The following THUMPD3 variants were observed in gnomAD, a reference collection of about 807,000 sequenced individuals.
THUMPD3 encodes the protein THUMP domain 3 tRNA guanosine methyltransferase.
THUMPD3 carries 44 observed loss-of-function variants against 54.5 expected under a neutral mutation model. That is an observed-to-expected ratio of 0.81 (90% CI 0.63 to 1.04). The LOEUF (loss-of-function observed/expected upper bound fraction) is 1.04, where lower values mean the gene tolerates loss of function less well. THUMPD3 is among the 50% of genes least tolerant of loss of function. The pLI is 0.00. For missense variants in THUMPD3, 604 were observed against 601.3 expected (o/e 1.00, Z -0.05); for synonymous variants, 196 against 201.4 (o/e 0.97, Z 0.23).
Position 9,377,852 on chromosome 3 carries a change from CG to C in THUMPD3, c.973del (p.Asp325IlefsTer11), listed in dbSNP as rs2032592949. Reference sequence around the variant, plus strand: ...ATCCTCTACCTTATGATATAATAGTCGATCCAATGTGTGGAACTGGGGCAAT... The same window carrying C: ...ATCCTCTACCTTATGATATAATAGTCATCCAATGTGTGGAACTGGGGCAAT... ...CDPLPYDIIVDPMCGTGAIPI... is the reference protein window; with the variant it reads ...CDPLPYDIIVXPMCGTGAIPI... On this transcript the variant is annotated frameshift_variant, in exon 6 of 10. Coordinates refer to ENST00000452837, the MANE Select transcript of THUMPD3 (RefSeq NM_001114092.2). LOFTEE classifies it high-confidence loss of function. 6.2e-7 allele frequency: 1 copy of C among 1,613,522 alleles called. No homozygotes were observed. Among genetic ancestry groups the C allele is most frequent in the South Asian group, 1.1e-5 (1 of 91,058 alleles).
At chr3:9,382,018 C>T (rs1438687593) in intron 7 of THUMPD3, among the ~76,000 whole-genome samples, 2 of 151,802 alleles carry the variant, frequency 1.3e-5, no homozygotes, top group Non-Finnish European at 1.5e-5. Context: ...CTCCTGACCT[C>T]ATGATCTGCC....
At position 9,374,668 on chromosome 3, in the gene THUMPD3, C is replaced by T. The variant is rs2032323586; in HGVS notation, c.938+22C>T. The T allele has an allele frequency of 2.5e-6, 4 of 1,612,126 alleles. No homozygotes were observed. In the South Asian group the frequency reaches 3.3e-5, roughly 13 times the overall value. The stretch of plus-strand genomic sequence containing the variant: ...TCAGGTAAGAAAATGAGTTTGCCAT[C>T]CAGCTTAAAGTGGCACCTTGGTTTG... On this transcript the variant is annotated intron_variant, in intron 5 of 9. Coordinates refer to ENST00000452837, the MANE Select transcript of THUMPD3 (RefSeq NM_001114092.2).
Position 9,383,240 on chromosome 3 carries a change from A to C in THUMPD3, c.1166A>C (p.Asp389Ala). The C allele has an allele frequency of 6.2e-7, 1 of 1,614,114 alleles. No homozygotes were observed. Among genetic ancestry groups the C allele is most frequent in the Non-Finnish European group, 8.5e-7 (1 of 1,179,964 alleles). The change falls in exon 8 of 10, where the codon GAT (aspartate) becomes GCT (alanine). Residue 389 changes from aspartate (D) to alanine (A), a missense_variant. Asp to Ala is a moderately radical substitution (Grantham distance 126). Coordinates refer to ENST00000452837, the MANE Select transcript of THUMPD3 (RefSeq NM_001114092.2). ...WGLPIDAVQW[D>A]ICNLPLRTGS... is the part of the protein sequence containing the mutation. The stretch of plus-strand genomic sequence containing the variant: ...TTGCCCATAGATGCTGTTCAGTGGG[A>C]TATCTGCAATCTGCCATTGAGAACT...
intron 2 of THUMPD3, among the ~76,000 whole-genome samples, chr3:9,366,177 A>C (rs1421655567): frequency 6.6e-6 from 1 of 152,194 alleles, no homozygotes; most frequent in Admixed American, 6.5e-5. Flanking sequence ...TTTTCCTTTT[A>C]ATTTGCATCA....
In THUMPD3 at chr3:9,384,316, A is replaced by T. The variant is rs1559314214; in HGVS notation, c.1340A>T (p.Asp447Val). 1.9e-6 allele frequency: 3 copies of T among 1,613,956 alleles called. No homozygotes were observed. The change falls in exon 9 of 10, where the codon GAC becomes GTC. Residue 447 changes from aspartate (D) to valine (V), a missense_variant. Asp to Val is a radical substitution (Grantham distance 152). Transcript: ENST00000452837. ...GGCCGAGCTGTACTACTTACTCAAG[A>T]CACAAAATGCTTTACCAAGGTGCTA... ...TTGRAVLLTQ[D>V]TKCFTKALSG...
chr3:9,384,784 T>C lies in THUMPD3; in HGVS notation c.*96T>C. The C allele has an allele frequency of 7.2e-7, 1 of 1,382,168 alleles. No homozygotes were observed. Among genetic ancestry groups the C allele is most frequent in the South Asian group, 1.3e-5 (1 of 77,482 alleles). The allele number at this position is 1,382,168 out of a possible 1,614,324, so 85.6% of individuals were successfully genotyped here. ...GTATTAACAAAACTGCAGTCTGCAC[T>C]CTTTAAACCTGTTTAAGGCTCTTCA... is the stretch of plus-strand genomic sequence containing the variant. On this transcript the variant is annotated 3_prime_UTR_variant, in exon 10 of 10. Transcript: ENST00000452837.
chr3:9,383,180 C>A lies in THUMPD3; in HGVS notation c.1125-19C>A. 1 of 1,581,148 alleles carries A rather than the reference C, an allele frequency of 6.3e-7. No individual in the cohort carries two copies. Among genetic ancestry groups the A allele is most frequent in the Non-Finnish European group, 8.7e-7 (1 of 1,150,932 alleles). ...TATGCTTCACAGTATGTTGAAGCAC[C>A]TTTCCTTTGTCCCCACAGCAAACCC... On this transcript the variant is annotated intron_variant, in intron 7 of 9. Coordinates refer to ENST00000452837, the MANE Select transcript of THUMPD3 (RefSeq NM_001114092.2).
At position 9,377,859 on chromosome 3, in the gene THUMPD3, ATG is replaced by A; in HGVS notation, c.984_985del (p.Cys328TrpfsTer12). On this transcript the variant is annotated frameshift_variant, in exon 6 of 10. Transcript: ENST00000452837. LOFTEE classifies it high-confidence loss of function. ...ACCTTATGATATAATAGTCGATCCA[ATG>A]TGTGGAACTGGGGCAATACCAATAG... ...PLPYDIIVDP[M>X]CGTGAIPIEG... 1 of 1,613,594 alleles carries A rather than the reference ATG, an allele frequency of 6.2e-7. No homozygotes were observed. The highest frequency in any genetic ancestry group is 8.5e-7 in the Non-Finnish European group (1 of 1,179,590).
intron 2 of THUMPD3, among the ~76,000 whole-genome samples, chr3:9,366,680 C>T (rs972446026): frequency 6.6e-6 from 1 of 152,220 alleles, no homozygotes. Flanking sequence ...GCCCACAAAA[C>T]ACTTCATGCT....
chr3:9,370,389 T>G (rs981193059), intron 3 of THUMPD3, among the ~76,000 whole-genome samples: 1 of 152,250 alleles, frequency 6.6e-6, no homozygotes, highest in Non-Finnish European at 1.5e-5. Context: ...GGGTATAAAA[T>G]TTGGAGTTAG....
chr3:9,384,277 G>C lies in THUMPD3; in HGVS notation c.1301G>C (p.Cys434Ser). 9 of 1,614,174 alleles carry C rather than the reference G, an allele frequency of 5.6e-6. No homozygotes were observed. The highest frequency in any genetic ancestry group is 7.6e-6 in the Non-Finnish European group (9 of 1,180,016). Residue 434 changes from cysteine (C) to serine (S), a missense_variant, in exon 9 of 10, where the codon TGC becomes TCC. Coordinates refer to ENST00000452837, the MANE Select transcript of THUMPD3 (RefSeq NM_001114092.2). ...TGCCTACGGGAGATGAGCCGTGTCT[G>C]CACACCTACCACAGGCCGAGCTGTA... ...PACLREMSRV[C>S]TPTTGRAVLL... is the part of the protein sequence containing the mutation.
At chr3:9,364,339 T>C (rs1048428272) in intron 1 of THUMPD3, among the ~76,000 whole-genome samples, 1 of 151,236 alleles carries the variant, frequency 6.6e-6, no homozygotes, top group Non-Finnish European at 1.5e-5. Flanking sequence ...TATTATTATT[T>C]ATTTTATTTA....
intron 5 of THUMPD3, among the ~76,000 whole-genome samples, chr3:9,375,868 A>C (rs1416722902): frequency 1.3e-5 from 2 of 152,232 alleles, no homozygotes; most frequent in Non-Finnish European, 2.9e-5. Flanking sequence ...AAACATAGAA[A>C]GGATAGGGCA....
intron 5 of THUMPD3, 97 bp from the exon 6 acceptor site, chr3:9,377,722 G>T (rs117852114): frequency 5.9e-5 from 53 of 891,688 alleles, no homozygotes; most frequent in Non-Finnish European, 7.9e-5. Context: ...CTTCGGGCTA[G>T]TGTGGTAGGT....
In THUMPD3 at chr3:9,386,355, TCAC is replaced by T. The variant is rs1393549887; in HGVS notation, c.*1671_*1673del. 1 of 151,882 alleles carries T rather than the reference TCAC, an allele frequency of 6.6e-6. No individual in the cohort carries two copies. Among genetic ancestry groups the T allele is most frequent in the Non-Finnish European group, 1.5e-5 (1 of 67,894 alleles). The allele number at this position is 151,882 out of a possible 1,614,324, so 9.4% of individuals were successfully genotyped here. On this transcript the variant is annotated 3_prime_UTR_variant, in exon 10 of 10. Coordinates refer to ENST00000452837, the MANE Select transcript of THUMPD3 (RefSeq NM_001114092.2). ...GGAAGTTCAAGGACCATGTCTGTTTTCACCACGATGTCTTTCCCCACCCCCCCA... is the reference window on the plus strand; with the variant it reads ...GGAAGTTCAAGGACCATGTCTGTTTTCACGATGTCTTTCCCCACCCCCCCA...
chr3:9,379,472 C>T (rs1181572385), intron 6 of THUMPD3, among the ~76,000 whole-genome samples: 1 of 152,166 alleles, frequency 6.6e-6, no homozygotes, highest in Non-Finnish European at 1.5e-5. Context: ...GCTACTCACC[C>T]CTAAGCAGAG....
At chr3:9,384,111 A>G (rs891808448) in intron 8 of THUMPD3, 101 bp from the exon 9 acceptor site, 9 of 1,313,412 alleles carry the variant, frequency 6.9e-6, no homozygotes, top group African/African-American at 4.4e-5. Flanking sequence ...AACTACAGCT[A>G]TTTTTCATGC....
intron 3 of THUMPD3, among the ~76,000 whole-genome samples, chr3:9,368,358 A>C (rs1389023882): frequency 6.2e-4 from 47 of 76,056 alleles, no homozygotes; most frequent in Admixed American, 5.1e-3. Context: ...CCACCCGCGC[A>C]TATTTTTTTT....
At position 9,377,835 on chromosome 3, in the gene THUMPD3, C is replaced by T. The variant is rs750485589; in HGVS notation, c.955C>T (p.Pro319Ser). 7 of 1,613,492 alleles carry T rather than the reference C, an allele frequency of 4.3e-6. No homozygotes were observed. In the East Asian group the frequency reaches 1.6e-4, roughly 36 times the overall value. ...TTTCTCTAGGCTCTGTGATCCTCTACCTTATGATATAATAGTCGATCCAAT... is the reference window on the plus strand; with the variant it reads ...TTTCTCTAGGCTCTGTGATCCTCTATCTTATGATATAATAGTCGATCCAAT... Reference protein sequence around the residue: ...YGMLRLCDPLPYDIIVDPMCG... With the variant: ...YGMLRLCDPLSYDIIVDPMCG... Residue 319 changes from proline to serine, a missense_variant, in exon 6 of 10, where the codon CCT (proline) becomes TCT (serine). Pro to Ser is a moderately conservative substitution (Grantham distance 74, BLOSUM62 -1). Coordinates refer to ENST00000452837, the MANE Select transcript of THUMPD3 (RefSeq NM_001114092.2).
Sources: gnomAD v4.1 joint callset for allele counts (sites outside exome capture counted in the v4.1 genomes callset) on GRCh38, gnomAD v4.1.1 for gene constraint, MANE v1.5 for transcripts, NCBI Gene and HGNC (gene_info 2026-07-23, HGNC 2026-07-21) for gene names.